Variants in FNBP1 observed in about 807,000 individuals in gnomAD.
The protein encoded by FNBP1 is formin binding protein 1.
Under a neutral mutation model 90.6 loss-of-function variants are expected in FNBP1, and 26 were observed. That is an observed-to-expected ratio of 0.29 (90% CI 0.21 to 0.40). The LOEUF is 0.40. Ranked by LOEUF, FNBP1 falls within the 10% of genes least tolerant of loss-of-function variation. FNBP1 has a pLI of 1.00. For missense variants in FNBP1, 635 were observed against 768.0 expected (o/e 0.83, Z 2.05); for synonymous variants, 260 against 265.2 (o/e 0.98, Z 0.19).
chr9:129,909,206 T>C (rs2038757648), intron 11 of FNBP1: 4 of 600,796 alleles, frequency 6.7e-6, no homozygotes, highest in Admixed American at 2.8e-5. Flanking sequence ...CCCAGTTCCA[T>C]GGATGCTGGC....
the FNBP1 span, among the ~76,000 whole-genome samples, chr9:130,050,454 G>T: frequency 6.6e-6 from 1 of 152,020 alleles, no homozygotes; most frequent in Admixed American, 6.6e-5. Context: ...TCTACAAAAA[G>T]ATGCACTTGG....
At chr9:130,038,399 CT>C (rs796531911) in intron 1 of FNBP1, among the ~76,000 whole-genome samples, 8,995 of 108,380 alleles carry the variant, frequency 0.083, 262 homozygotes, top group South Asian at 0.12. Flanking sequence ...ACAGGTGGCT[CT>C]TTTTTTTTTT....
intron 2 of FNBP1, among the ~76,000 whole-genome samples, chr9:129,992,730 T>C (rs2053386394): frequency 6.6e-6 from 1 of 150,490 alleles, no homozygotes; most frequent in Admixed American, 6.6e-5. Flanking sequence ...ATTTTTGTAT[T>C]TTTAGTGGAG....
intron 15 of FNBP1, among the ~76,000 whole-genome samples, chr9:129,899,743 AGGAAGGAAG>A (rs1235659991): frequency 3.1e-4 from 44 of 140,338 alleles, no homozygotes; most frequent in East Asian, 7.4e-4. Flanking sequence ...AAAGGAAGGA[AGGAAGGAAG>A]GGAAGGAAGG....
chr9:129,911,144 G>A (rs1325249607), intron 11 of FNBP1, among the ~76,000 whole-genome samples: 1 of 152,166 alleles, frequency 6.6e-6, no homozygotes, highest in Non-Finnish European at 1.5e-5. Context: ...TTACAGGAAT[G>A]AGCCACCATG....
At chr9:129,986,509 A>G (rs1363976992) in intron 2 of FNBP1, among the ~76,000 whole-genome samples, 1 of 152,182 alleles carries the variant, frequency 6.6e-6, no homozygotes, top group African/African-American at 2.4e-5. Context: ...ATCTAAAGAT[A>G]GGCCGGGCGT....
the FNBP1 span, among the ~76,000 whole-genome samples, chr9:130,053,059 T>A: frequency 6.6e-6 from 1 of 152,124 alleles, no homozygotes; most frequent in East Asian, 1.9e-4. Context: ...GAGGTTGCAG[T>A]GAGCTGAGAT....
chr9:129,931,296 C>CA (rs1202361888), intron 6 of FNBP1, among the ~76,000 whole-genome samples: 1 of 151,738 alleles, frequency 6.6e-6, no homozygotes, highest in Admixed American at 6.6e-5. Context: ...GACCCTGTGT[C>CA]AAAAAATAAT....
At chr9:129,921,118 A>G (rs1048557393) in intron 10 of FNBP1, among the ~76,000 whole-genome samples, 2 of 152,212 alleles carry the variant, frequency 1.3e-5, no homozygotes, top group East Asian at 3.8e-4. Context: ...AGATAGCATT[A>G]AAGCAAGATA....
rs2034971275 is a variant in FNBP1, at chr9:129,890,106, A to C, written c.*433T>G. On this transcript the variant is annotated 3_prime_UTR_variant, in exon 17 of 17. Coordinates refer to ENST00000446176, the MANE Select transcript of FNBP1 (RefSeq NM_015033.3). The surrounding 1 kb of genome is among the most constrained non-coding windows in gnomAD (Gnocchi z 5.8). ...TCGACACGGATGACATCGAGTGCTC[A>C]GTCCGCCTGATGTGCGCTGGACCTG... 1 of 289,090 alleles carries C rather than the reference A, an allele frequency of 3.5e-6. No individual in the cohort carries two copies. Among genetic ancestry groups the C allele is most frequent in the Non-Finnish European group, 6.5e-6 (1 of 153,156 alleles). 17.9% of individuals were successfully genotyped at this position (289,090 alleles called of 1,614,324 possible). A position where few individuals can be genotyped will look rare whatever the true frequency, so the allele number is the denominator to read the frequency against.
chr9:129,948,005 G>T (rs1464015806), intron 6 of FNBP1, among the ~76,000 whole-genome samples: 1 of 151,686 alleles, frequency 6.6e-6, no homozygotes, highest in Non-Finnish European at 1.5e-5. Flanking sequence ...AAAAAAGGAG[G>T]GGGGCAGGTG....
intron 6 of FNBP1, among the ~76,000 whole-genome samples, chr9:129,940,282 C>A (rs2044133271): frequency 6.6e-6 from 1 of 151,834 alleles, no homozygotes; most frequent in South Asian, 2.1e-4. Flanking sequence ...GTAAAAGATG[C>A]AAAAGGAATC....
At chr9:129,965,973 A>C (rs748925131) in intron 4 of FNBP1, among the ~76,000 whole-genome samples, 1 of 152,136 alleles carries the variant, frequency 6.6e-6, no homozygotes, top group Admixed American at 6.6e-5. Flanking sequence ...TCCCATCAAT[A>C]AGATTTTTAG....
At chr9:130,027,183 T>G (rs936586385) in intron 1 of FNBP1, among the ~76,000 whole-genome samples, 10 of 152,138 alleles carry the variant, frequency 6.6e-5, no homozygotes, top group Non-Finnish European at 1.3e-4. Context: ...CCTGAGATTT[T>G]ATGAAAAATG....
intron 1 of FNBP1, among the ~76,000 whole-genome samples, chr9:130,024,734 C>G (rs559580884): frequency 6.6e-6 from 1 of 152,288 alleles, no homozygotes; most frequent in African/African-American, 2.4e-5. Context: ...TCCTGTTTTT[C>G]ATTTCCATCA....
chr9:129,897,735 G>A (rs1215009173), intron 15 of FNBP1, among the ~76,000 whole-genome samples: 1 of 152,032 alleles, frequency 6.6e-6, no homozygotes, highest in African/African-American at 2.4e-5. Context: ...GAGCCACTGA[G>A]CCTGGCCTGA....
chr9:129,952,128 G>A (rs571564526), intron 6 of FNBP1, among the ~76,000 whole-genome samples: 1 of 152,110 alleles, frequency 6.6e-6, no homozygotes, highest in East Asian at 1.9e-4. Context: ...GGAGGCACAG[G>A]TTGCGATGAG....
intron 12 of FNBP1, among the ~76,000 whole-genome samples, chr9:129,907,926 ACCGTGTTAGC>A (rs2038455542): frequency 6.6e-6 from 1 of 151,720 alleles, no homozygotes. Context: ...ACAGGGTTTC[ACCGTGTTAGC>A]CAGGATGGTC....
chr9:129,908,960 G>C lies in FNBP1; in HGVS notation c.1225C>G (p.Gln409Glu), dbSNP rs2038697813. ...TTCTGCTGCAGCTTTTTCCTTCTTT[G>C]TTCAGGTGGGAGGTTGCTGAAATCC... ...PEDFSNLPPEQRRKKLQQKVD... is the reference protein window; with the variant it reads ...PEDFSNLPPEERRKKLQQKVD... Residue 409 changes from glutamine (Q) to glutamate (E), a missense_variant, in exon 12 of 17, where the codon CAA (glutamine) becomes GAA (glutamate). Physicochemically the swap from Gln to Glu is conservative, Grantham distance 29. Transcript: ENST00000446176. The C allele has an allele frequency of 6.2e-7, 1 of 1,613,612 alleles. No individual in the cohort carries two copies.
Sources: allele counts gnomAD v4.1 joint callset (sites outside exome capture counted in the v4.1 genomes callset), GRCh38; gene constraint gnomAD v4.1.1; non-coding constraint Gnocchi (gnomAD v3.1); transcripts MANE v1.5; gene names NCBI Gene and HGNC (gene_info 2026-07-23, HGNC 2026-07-21).